The following TRPC5 variants were observed in gnomAD, a reference collection of about 807,000 sequenced individuals.
TRPC5 encodes transient receptor potential cation channel subfamily C member 5, also known as short transient receptor potential channel 5.
TRPC5 carries 9 observed loss-of-function variants against 56.5 expected under a neutral mutation model. The observed-to-expected ratio is 0.16, with a 90% confidence interval of 0.10 to 0.28. TRPC5 has a LOEUF of 0.28. Ranked by LOEUF, TRPC5 falls within the 10% of genes least tolerant of loss-of-function variation. TRPC5 has a pLI of 1.00. For synonymous variants in TRPC5, 282 were observed against 278.5 expected (o/e 1.01, Z -0.13); for missense variants, 469 against 748.9 (o/e 0.63, Z 4.36).
At chrX:112,059,436 C>T (rs974623564) in intron 1 of TRPC5, among the ~76,000 whole-genome samples, 12 of 112,124 alleles carry the variant, frequency 1.1e-4, no homozygotes, top group Admixed American at 5.7e-4. Context: ...TGCCACATGA[C>T]GCAGTTCCAT....
At chrX:111,894,766 T>C (rs1013915813) in intron 3 of TRPC5, among the ~76,000 whole-genome samples, 11 of 111,467 alleles carry the variant, frequency 9.9e-5, no homozygotes, top group Non-Finnish European at 2.1e-4. Context: ...ATATAGTAAA[T>C]TGCGCAAATT....
intron 5 of TRPC5, among the ~76,000 whole-genome samples, chrX:111,849,932 T>C (rs1460826372): frequency 8.9e-6 from 1 of 112,117 alleles, no homozygotes; most frequent in African/African-American, 3.2e-5. Flanking sequence ...CTTACATCCT[T>C]TGAAATGGAA....
intron 2 of TRPC5, among the ~76,000 whole-genome samples, chrX:111,948,120 G>T (rs186614621): frequency 1.8e-5 from 2 of 111,874 alleles, no homozygotes; most frequent in Non-Finnish European, 3.8e-5. Flanking sequence ...TGCAATTTTG[G>T]TTTTGTTATG....
intron 3 of TRPC5, among the ~76,000 whole-genome samples, chrX:111,898,501 T>G (rs987851320): frequency 9.1e-6 from 1 of 109,477 alleles, no homozygotes; most frequent in Non-Finnish European, 1.9e-5. Context: ...ACTGAATGAA[T>G]GAGCTGAAAG....
chrX:112,028,653 A>AC (rs1929492831), intron 1 of TRPC5, among the ~76,000 whole-genome samples: 1 of 111,895 alleles, frequency 8.9e-6, no homozygotes, highest in Admixed American at 9.5e-5. Context: ...TATGTGCCAC[A>AC]TTTTCTTAAT....
intron 7 of TRPC5, among the ~76,000 whole-genome samples, chrX:111,826,623 G>A (rs753923669): frequency 3.5e-5 from 4 of 112,688 alleles, no homozygotes; most frequent in African/African-American, 9.6e-5. Context: ...CCTACAGCTT[G>A]AATTAAGCAA....
In TRPC5 at chrX:111,776,264, G is replaced by A. The variant is rs955905750; in HGVS notation, c.*49C>T. On this transcript the variant is annotated 3_prime_UTR_variant, in exon 11 of 11. Transcript: ENST00000262839. ...ATTCTGTGTCACCTCTGAGAGCAAG[G>A]AAATTACAGATTTCTGTTGAGTTCC... The A allele has an allele frequency of 8.3e-6, 9 of 1,087,208 alleles. No homozygotes were observed. The South Asian group carries it at 8.3e-5, about 10-fold the overall frequency. The allele number at this position is 1,087,208 out of a possible 1,213,427, so 89.6% of individuals were successfully genotyped here.
At chrX:111,951,285 G>A (rs968153678) in intron 2 of TRPC5, among the ~76,000 whole-genome samples, 1 of 112,006 alleles carries the variant, frequency 8.9e-6, no homozygotes, top group African/African-American at 3.3e-5. Flanking sequence ...GATGCTGCTA[G>A]TCAAGGGACC....
At chrX:111,783,003 T>C (rs1273820229) in intron 7 of TRPC5, among the ~76,000 whole-genome samples, 3 of 112,008 alleles carry the variant, frequency 2.7e-5, no homozygotes, top group Non-Finnish European at 5.6e-5. Flanking sequence ...CTCCTCTGTT[T>C]TCTGTCCCTA....
intron 1 of TRPC5, among the ~76,000 whole-genome samples, chrX:112,013,351 G>A (rs763972374): frequency 2.0e-4 from 22 of 111,286 alleles, no homozygotes; most frequent in Admixed American, 1.0e-3. Context: ...GGGTTTCACC[G>A]TGTTGGCCAG....
chrX:111,847,476 G>T, intron 5 of TRPC5, 40 bp from the exon 6 acceptor site: 1 of 1,128,956 alleles, frequency 8.9e-7, no homozygotes, highest in Non-Finnish European at 1.2e-6. Flanking sequence ...GGGGTACAGT[G>T]AACATTTATA....
intron 3 of TRPC5, among the ~76,000 whole-genome samples, chrX:111,878,952 C>T (rs1408715347): frequency 1.8e-5 from 2 of 111,884 alleles, no homozygotes; most frequent in African/African-American, 6.5e-5. Flanking sequence ...TGGCTCCATA[C>T]TTGCACTTAA....
rs187697454 is a variant in TRPC5 at position 111,965,060 on chromosome X, G to A, written c.-21-12619C>T. ...GGATAAAGAGTCAAGACCCATCAGC[G>A]TGCTGTATTCAGGAAACCCATCTCA... On this transcript the variant is annotated intron_variant, in intron 1 of 10. Transcript: ENST00000262839. Among the ~76,000 whole-genome samples the A allele has an allele frequency of 9.3e-3, 1,041 of 111,483 alleles. 40 individuals carry two copies. The highest frequency in any genetic ancestry group is 0.09 in the Admixed American group (944 of 10,472).
chrX:111,888,897 G>A (rs1332224823), intron 3 of TRPC5, among the ~76,000 whole-genome samples: 1 of 110,799 alleles, frequency 9.0e-6, no homozygotes, highest in African/African-American at 3.3e-5. Context: ...CTGGCGGATT[G>A]ACTGTGGATT....
In TRPC5 at chrX:111,823,175, A is replaced by T. The variant is rs754751534; in HGVS notation, c.1896+11746T>A. ...TGTGGCAAAGAGCTCTCAGCCTCTCAGACAGCTTGCTGACAAAACCAGGAG... is the reference window on the plus strand; with the variant it reads ...TGTGGCAAAGAGCTCTCAGCCTCTCTGACAGCTTGCTGACAAAACCAGGAG... On this transcript the variant is annotated intron_variant, in intron 7 of 10. Coordinates refer to ENST00000262839, the MANE Select transcript of TRPC5 (RefSeq NM_012471.3). Among the ~76,000 whole-genome samples, 5 of 111,884 alleles carry T rather than the reference A, an allele frequency of 4.5e-5. No individual in the cohort carries two copies. The South Asian group carries it at 1.9e-3, about 42-fold the overall frequency.
intron 1 of TRPC5, among the ~76,000 whole-genome samples, chrX:111,974,305 G>A (rs1390845484): frequency 6.3e-5 from 7 of 111,030 alleles, no homozygotes; most frequent in Admixed American, 5.8e-4. Flanking sequence ...TTCTGGTGAA[G>A]GTAGCTAGAG....
chrX:112,037,086 A>G lies in TRPC5; in HGVS notation c.-22+44793T>C, dbSNP rs140276098. Among the ~76,000 whole-genome samples, 329 of 112,054 alleles carry G rather than the reference A, an allele frequency of 2.9e-3. 7 individuals are homozygous for G. The highest frequency in any genetic ancestry group is 0.024 in the Admixed American group (255 of 10,570). ...CAAAATTGCTTTCAATGATGCATTT[A>G]TTATCTCCTTGGGTCATTTTTTCTT... is the stretch of plus-strand genomic sequence containing the variant. On this transcript the variant is annotated intron_variant, in intron 1 of 10. Transcript: ENST00000262839.
At chrX:111,918,509 C>A (rs1299670945) in intron 2 of TRPC5, among the ~76,000 whole-genome samples, 43 of 106,348 alleles carry the variant, frequency 4.0e-4, no homozygotes, top group Admixed American at 2.2e-3. Context: ...AAGAATGTGG[C>A]TTTTTTTTTT....
intron 1 of TRPC5, among the ~76,000 whole-genome samples, chrX:112,031,652 G>T (rs1033156201): frequency 9.1e-6 from 1 of 109,306 alleles, no homozygotes; most frequent in Admixed American, 9.9e-5. Flanking sequence ...CATAGATATA[G>T]ACATAGATAA....
Sources: allele counts gnomAD v4.1 joint callset (sites outside exome capture counted in the v4.1 genomes callset), GRCh38; gene constraint gnomAD v4.1.1; transcripts MANE v1.5; gene names NCBI Gene and HGNC (gene_info 2026-07-23, HGNC 2026-07-21).